The following NT5C3A variants were observed in gnomAD, a reference collection of about 807,000 sequenced individuals.
NT5C3A encodes the protein cytosolic 5'-nucleotidase 3A.
In NT5C3A, 23 loss-of-function variants were observed where a neutral mutation model predicts 40.0. The ratio of observed to expected loss-of-function variants is 0.58; its 90% CI spans 0.41 to 0.81. The LOEUF (loss-of-function observed/expected upper bound fraction) is 0.81. Among genes scored for constraint, NT5C3A ranks in the 40% least tolerant of loss-of-function variants. The pLI is 0.00. For synonymous variants in NT5C3A, 130 were observed against 141.4 expected (o/e 0.92, Z 0.57); for missense variants, 328 against 403.0 (o/e 0.81, Z 1.59).
rs148039664 is a variant in NT5C3A at position 33,024,169 on chromosome 7, G to A, written c.238-61C>T. 5.5e-5 allele frequency: 51 copies of A among 927,134 alleles called. No individual in the cohort carries two copies. The East Asian group carries it at 1.2e-3, about 22-fold the overall frequency. The allele number at this position is 927,134 out of a possible 1,614,324, so 57.4% of individuals were successfully genotyped here. On this transcript the variant is annotated intron_variant, in intron 2 of 8. Coordinates refer to ENST00000610140, the MANE Select transcript of NT5C3A (RefSeq NM_001002010.5). ...TAGCCCACATGGCCAGAATTTCTCT[G>A]TGCTACCCAAACACATACTTCATGC... is the stretch of plus-strand genomic sequence containing the variant.
intron 1 of NT5C3A, among the ~76,000 whole-genome samples, chr7:33,040,383 A>C (rs1480110610): frequency 3.9e-5 from 6 of 152,228 alleles, no homozygotes; most frequent in Admixed American, 6.5e-5. Context: ...TTCATAAAAC[A>C]TACCAGTGAT....
Position 33,044,019 on chromosome 7 carries a change from A to C in NT5C3A, c.139-17104T>G, listed in dbSNP as rs2128011845. ...TGTGACTTAATGTACAAGAGTTGGG[A>C]CACTTTTTTTTTTCTTTTTTTTTTG... On this transcript the variant is annotated intron_variant, in intron 1 of 8. Transcript: ENST00000610140. 1.3e-5 allele frequency among the ~76,000 whole-genome samples: 2 copies of C among 151,766 alleles called. 1 individual carries two copies. Among genetic ancestry groups the C allele is most frequent in the South Asian group, 4.2e-4 (2 of 4,800 alleles).
rs773597198 is a variant in NT5C3A, at chr7:33,024,068, T to A, written c.278A>T (p.Tyr93Phe). 1 of 1,581,098 alleles carries A rather than the reference T, an allele frequency of 6.3e-7. No individual in the cohort carries two copies. The highest frequency in any genetic ancestry group is 1.1e-5 in the South Asian group (1 of 90,138). Reference sequence around the variant, plus strand: ...ACATGTTGGGCATCTTTTCCCTTTATATGAAAATCTACTGAGTGTCATATC... The same window carrying A: ...ACATGTTGGGCATCTTTTCCCTTTAAATGAAAATCTACTGAGTGTCATATC... Reference protein sequence around the residue: ...DFDMTLSRFSYKGKRCPTCHN... With the variant: ...DFDMTLSRFSFKGKRCPTCHN... Residue 93 changes from tyrosine (Y) to phenylalanine (F), a missense_variant, in exon 3 of 9, where the codon TAT (tyrosine) becomes TTT (phenylalanine). Coordinates refer to ENST00000610140, the MANE Select transcript of NT5C3A (RefSeq NM_001002010.5).
chr7:33,035,164 G>A (rs2128004876), intron 1 of NT5C3A, among the ~76,000 whole-genome samples: 1 of 151,416 alleles, frequency 6.6e-6, no homozygotes, highest in East Asian at 1.9e-4. Context: ...TCTCATTCAG[G>A]GCTATAGAAG....
intron 6 of NT5C3A, among the ~76,000 whole-genome samples, chr7:33,018,429 T>G (rs1158946663): frequency 1.3e-5 from 2 of 152,218 alleles, no homozygotes; most frequent in Non-Finnish European, 2.9e-5. Context: ...GTCCTCACAC[T>G]TTTTCTGACA....
At chr7:33,060,330 A>G (rs1047519091) in intron 1 of NT5C3A, among the ~76,000 whole-genome samples, 3 of 146,874 alleles carry the variant, frequency 2.0e-5, no homozygotes, top group African/African-American at 7.5e-5. Context: ...TTCCTTTACA[A>G]TTCAGTTTCT....
At chr7:33,057,805 C>A (rs572284496) in intron 1 of NT5C3A, among the ~76,000 whole-genome samples, 1 of 152,268 alleles carries the variant, frequency 6.6e-6, no homozygotes, top group Admixed American at 6.5e-5. Context: ...TTGGAAATGA[C>A]CATTTTTAAC....
intron 1 of NT5C3A, 32 bp downstream of exon 1, chr7:33,062,536 G>A (rs962155611): frequency 1.9e-6 from 3 of 1,593,868 alleles, no homozygotes; most frequent in Non-Finnish European, 1.7e-6. Flanking sequence ...GGCCCCTCGC[G>A]TGCTCTGGGC....
At chr7:33,054,292 T>A (rs1787484506) in intron 1 of NT5C3A, among the ~76,000 whole-genome samples, 1 of 151,122 alleles carries the variant, frequency 6.6e-6, no homozygotes, top group African/African-American at 2.4e-5. Context: ...AGGTCAAAGC[T>A]GCAGTGAGCC....
chr7:33,036,376 G>T, intron 1 of NT5C3A: 1 of 266,482 alleles, frequency 3.8e-6, no homozygotes, highest in South Asian at 4.3e-5. Flanking sequence ...GGCTGCTGGT[G>T]ACCCATCTTG....
At chr7:33,044,327 C>T (rs1044686681) in intron 1 of NT5C3A, among the ~76,000 whole-genome samples, 1 of 152,226 alleles carries the variant, frequency 6.6e-6, no homozygotes, top group Middle Eastern at 3.4e-3. Flanking sequence ...GGAATAAGGA[C>T]ACAAGCAAAG....
In NT5C3A at chr7:33,062,648, G is replaced by GGGCGCACACGCTGGCGCTCGCTAC. The variant is rs1177310016; in HGVS notation, c.34_57dup (p.Val12_Ala19dup). On this transcript the variant is annotated inframe_insertion, in exon 1 of 9. Transcript: ENST00000610140. The stretch of plus-strand genomic sequence containing the variant: ...TGAGCCAGCACCACCCCCGCCACCA[G>GGGCGCACACGCTGGCGCTCGCTAC]GGCGCACACGCTGGCGCTCGCTACC... 1 of 1,598,014 alleles carries GGGCGCACACGCTGGCGCTCGCTAC rather than the reference G, an allele frequency of 6.3e-7. No homozygotes were observed. The highest frequency in any genetic ancestry group is 8.5e-7 in the Non-Finnish European group (1 of 1,173,292).
At chr7:33,028,977 C>T (rs1172314315) in intron 1 of NT5C3A, among the ~76,000 whole-genome samples, 2 of 151,400 alleles carry the variant, frequency 1.3e-5, no homozygotes, top group Non-Finnish European at 2.9e-5. Context: ...ATGGCGTAAA[C>T]CCGGGAGGCA....
At chr7:33,015,559 A>G (rs1785274667) in intron 8 of NT5C3A, 111 bp downstream of exon 8, 2 of 712,528 alleles carry the variant, frequency 2.8e-6, no homozygotes, top group Non-Finnish European at 4.8e-6. Flanking sequence ...GCTTGTCTCA[A>G]AAAAAAAAGT....
chr7:33,019,722 T>A lies in NT5C3A; in HGVS notation c.443A>T (p.Tyr148Phe), dbSNP rs755420504. The change falls in exon 6 of 9, where the codon TAT (tyrosine) becomes TTT (phenylalanine). Residue 148 changes from tyrosine to phenylalanine, a missense_variant and splice_region_variant. By Grantham distance (22) the Tyr-to-Phe change is conservative. Transcript: ENST00000610140. ...AACAAGCAAACCATGTGATTTAGTA[T>A]ACCTGGAGTTTATGACCAAAGGAAA... The part of the protein sequence containing the change: ...EEKYPYMVEW[Y>F]TKSHGLLVQQ... The A allele has an allele frequency of 3.2e-6, 5 of 1,570,758 alleles. No individual in the cohort carries two copies. Among genetic ancestry groups the A allele is most frequent in the Non-Finnish European group, 3.5e-6 (4 of 1,143,116 alleles).
chr7:33,038,881 T>C (rs1173496394), intron 1 of NT5C3A: 1 of 456,592 alleles, frequency 2.2e-6, no homozygotes, highest in Admixed American at 2.3e-5. Flanking sequence ...ACACATCAAG[T>C]GTAGAAGACG....
intron 1 of NT5C3A, 73 bp downstream of exon 1, chr7:33,062,495 C>T: frequency 2.2e-6 from 3 of 1,387,516 alleles, no homozygotes; most frequent in Middle Eastern, 2.5e-4. Context: ...CGGCCCAGCA[C>T]AGGCTGCCGA....
intron 1 of NT5C3A, chr7:33,029,338 TATG>T (rs1298117703): frequency 7.8e-6 from 2 of 256,356 alleles, no homozygotes; most frequent in Non-Finnish European, 1.6e-5. Context: ...ATGCTAGGGA[TATG>T]ATGATGAGTA....
intron 6 of NT5C3A, among the ~76,000 whole-genome samples, chr7:33,018,888 A>G (rs865834336): frequency 9.2e-5 from 14 of 152,314 alleles, no homozygotes; most frequent in African/African-American, 2.9e-4. Flanking sequence ...GCATACATAT[A>G]TAATTATGTA....
Sources: allele counts gnomAD v4.1 joint callset (sites outside exome capture counted in the v4.1 genomes callset), GRCh38; gene constraint gnomAD v4.1.1; transcripts MANE v1.5; gene names NCBI Gene and HGNC (gene_info 2026-07-23, HGNC 2026-07-21).